PCSK4: variants seen among roughly 807,000 people sequenced by gnomAD.
The protein encoded by PCSK4 is testicular tissue protein Li 135.
Under a neutral mutation model 80.3 loss-of-function variants are expected in PCSK4, and 64 were observed. The ratio of observed to expected loss-of-function variants is 0.80; its 90% CI spans 0.65 to 0.98. PCSK4 has a LOEUF of 0.98. Ranked by LOEUF, PCSK4 falls within the 50% of genes least tolerant of loss-of-function variation. PCSK4 has a pLI of 0.00. For synonymous variants in PCSK4, 561 were observed against 487.6 expected (o/e 1.15, Z -1.98); for missense variants, 1,213 against 1,093.6 (o/e 1.11, Z -1.54).
At chr19:1,489,302 T>G (rs1264055372) in intron 2 of PCSK4, among the ~76,000 whole-genome samples, 1 of 152,088 alleles carries the variant, frequency 6.6e-6, no homozygotes. Flanking sequence ...CGGCTAATTT[T>G]TTTGTATTTT....
chr19:1,481,838 T>C, exon 15 of PCSK4: 5 of 1,565,272 alleles, frequency 3.2e-6, no homozygotes, highest in Non-Finnish European at 4.3e-6. Context: ...TAGTGGGAGG[T>C]CCATGGACAT....
chr19:1,483,171 G>A (rs1239911500), intron 12 of PCSK4, 113 bp downstream of exon 12: 9 of 1,276,802 alleles, frequency 7.0e-6, no homozygotes, highest in Non-Finnish European at 9.5e-6. Context: ...CACCAACTAG[G>A]CTGCCGTGTG....
rs2084694489 is a variant in PCSK4 at position 1,487,526 on chromosome 19, C to G, written c.682+77G>C. 6.0e-6 allele frequency: 8 copies of G among 1,335,716 alleles called. No homozygotes were observed. In the South Asian group the frequency reaches 1.0e-4, roughly 17 times the overall value. 82.7% of individuals were successfully genotyped at this position (1,335,716 alleles called of 1,614,324 possible). A position where few individuals can be genotyped will look rare whatever the true frequency, so the allele number is the denominator to read the frequency against. On this transcript the variant is annotated intron_variant, in intron 6 of 14. Transcript: ENST00000300954. ...CAGTGAGAGGGTGGGCTCCCGAGTC[C>G]TTGGGCCCAGCTCCCCGCCAGAGTC... is the stretch of plus-strand genomic sequence containing the variant.
At chr19:1,488,846 G>A (rs1290907023) in intron 2 of PCSK4, among the ~76,000 whole-genome samples, 1 of 152,210 alleles carries the variant, frequency 6.6e-6, no homozygotes, top group Non-Finnish European at 1.5e-5. Context: ...CTCCCGAAGT[G>A]CCGGGATTAC....
At chr19:1,481,857 G>A (rs1336689679) in exon 15 of PCSK4, 1 of 1,582,538 alleles carries the variant, frequency 6.3e-7, no homozygotes, top group Admixed American at 1.7e-5. Context: ...ATGCCGCAGA[G>A]GACGGGGCCT....
At chr19:1,482,311 C>A (rs1187600198) in intron 14 of PCSK4, 42 bp downstream of exon 14, 84 of 1,533,568 alleles carry the variant, frequency 5.5e-5, no homozygotes, top group Non-Finnish European at 6.9e-5. Context: ...ACGGTGGCCG[C>A]CACCGCCTCC....
chr19:1,482,556 C>T lies in PCSK4; in HGVS notation c.1697-81G>A, dbSNP rs2145319702. ...TCCTGGTAGTCCCCGGGCTCCCTCC[C>T]CTTCAGCTCCCACGCGGGGCCCTGG... On this transcript the variant is annotated intron_variant, in intron 13 of 14. Transcript: ENST00000300954. The T allele has an allele frequency of 2.6e-6, 4 of 1,516,770 alleles. No individual in the cohort carries two copies. In the Admixed American group the frequency reaches 7.4e-5, roughly 28 times the overall value. The allele number at this position is 1,516,770 out of a possible 1,614,324, so 94.0% of individuals were successfully genotyped here.
At chr19:1,486,640 G>A (rs1301343354) in intron 8 of PCSK4, among the ~76,000 whole-genome samples, 3 of 151,848 alleles carry the variant, frequency 2.0e-5, no homozygotes, top group African/African-American at 7.3e-5. Context: ...CACCATGTTA[G>A]CCAGGATGGT....
At chr19:1,490,444 C>A (rs548508953), upstream of PCSK4, 6 of 558,768 alleles carry the variant, frequency 1.1e-5, no homozygotes, top group Non-Finnish European at 1.9e-5. Flanking sequence ...GCCATAGCAA[C>A]GCAGAAGGCT....
At position 1,483,770 on chromosome 19, in the gene PCSK4, G is replaced by A; in HGVS notation, c.1274-3C>T. On this transcript the variant is annotated splice_region_variant and splice_polypyrimidine_tract_variant and intron_variant, in intron 10 of 14. Transcript: ENST00000300954. ...CCCGTATCCGTAGTGATGGCTCACT[G>A]CGCGGAAGGGCAGCAGTCACTCGCC... The A allele has an allele frequency of 6.3e-7, 1 of 1,577,494 alleles. No homozygotes were observed.
In PCSK4 at chr19:1,483,354, TG is replaced by T; in HGVS notation, c.1500del (p.Tyr500Ter). On this transcript the variant is annotated frameshift_variant, in exon 12 of 15. Transcript: ENST00000300954. LOFTEE classifies it high-confidence loss of function. ...GAGATCTCCAGGTCTCCGCGCCGGCTGTAGGACAGCGTCAGCTGCGCCTGCA... is the reference window on the plus strand; with the variant it reads ...GAGATCTCCAGGTCTCCGCGCCGGCTTAGGACAGCGTCAGCTGCGCCTGCA... 1.9e-6 allele frequency: 3 copies of T among 1,609,866 alleles called. No homozygotes were observed. The highest frequency in any genetic ancestry group is 2.5e-6 in the Non-Finnish European group (3 of 1,179,648).
chr19:1,482,110 C>T, exon 15 of PCSK4: 1 of 1,552,616 alleles, frequency 6.4e-7, no homozygotes, highest in Non-Finnish European at 8.7e-7. Context: ...CCGCCGTGTG[C>T]CCAGGCCCAG....
exon 1 of PCSK4, chr19:1,490,336 G>A: frequency 7.6e-7 from 1 of 1,318,812 alleles, no homozygotes; most frequent in Non-Finnish European, 1.0e-6. Flanking sequence ...CGCAATCGGG[G>A]CGGGCCGCAT....
chr19:1,488,045 CT>C lies in PCSK4; in HGVS notation c.434del (p.Gln145ArgfsTer101). 1 of 1,613,464 alleles carries C rather than the reference CT, an allele frequency of 6.2e-7. No individual in the cohort carries two copies. Among genetic ancestry groups the C allele is most frequent in the South Asian group, 1.1e-5 (1 of 91,088 alleles). On this transcript the variant is annotated frameshift_variant, in exon 4 of 15. Coordinates refer to ENST00000300954, the Ensembl canonical transcript of PCSK4. LOFTEE classifies it high-confidence loss of function. Reference sequence around the variant, plus strand: ...CCACGATGCCCTGGCCTGACAGCCCCTGACTCCAGGCCTGCAGGATGCTCAG... The same window carrying C: ...CCACGATGCCCTGGCCTGACAGCCCCGACTCCAGGCCTGCAGGATGCTCAG...
exon 1 of PCSK4, chr19:1,490,231 G>A (rs1027372528): frequency 6.2e-7 from 1 of 1,612,930 alleles, no homozygotes; most frequent in Non-Finnish European, 8.5e-7. Context: ...CACCTGGACG[G>A]CCCAGCTGCT....
At chr19:1,483,156 G>T in intron 12 of PCSK4, 128 bp downstream of exon 12, 1 of 1,235,684 alleles carries the variant, frequency 8.1e-7, no homozygotes. Flanking sequence ...TGTGACTCGG[G>T]GTCCCACCAA....
At position 1,487,469 on chromosome 19, in the gene PCSK4, G is replaced by A. The variant is rs1294331282; in HGVS notation, c.682+134C>T. ...TTCGTATTGGCTCAGCACCCCCCAA[G>A]CCCTGGAGTCTGGGGCCCTAGCACC... On this transcript the variant is annotated intron_variant, in intron 6 of 14. Coordinates refer to ENST00000300954, the Ensembl canonical transcript of PCSK4. 7.0e-6 allele frequency: 7 copies of A among 998,268 alleles called. No individual in the cohort carries two copies. In the African/African-American group the frequency reaches 9.6e-5, roughly 14 times the overall value. 61.8% of individuals were successfully genotyped at this position (998,268 alleles called of 1,614,324 possible). A position where few individuals can be genotyped will look rare whatever the true frequency, so the allele number is the denominator to read the frequency against.
chr19:1,481,811 C>G (rs1446695445), exon 15 of PCSK4: 1 of 1,527,542 alleles, frequency 6.5e-7, no homozygotes. Flanking sequence ...GGCCCTGGCA[C>G]GGGAGAGCCA....
At chr19:1,486,118 G>A (rs973220334) in intron 8 of PCSK4, among the ~76,000 whole-genome samples, 9 of 151,526 alleles carry the variant, frequency 5.9e-5, no homozygotes, top group South Asian at 2.1e-4. Context: ...GATTACAGGC[G>A]CCCGCCACCA....
Sources: gnomAD v4.1 joint callset for allele counts (sites outside exome capture counted in the v4.1 genomes callset) on GRCh38, gnomAD v4.1.1 for gene constraint, MANE v1.5 for transcripts, NCBI Gene and HGNC (gene_info 2026-07-23, HGNC 2026-07-21) for gene names.